AKAP7: variants seen among roughly 807,000 people sequenced by gnomAD.
AKAP7 encodes A kinase (PRKA) anchor protein 7.
A neutral mutation model predicts 39.5 loss-of-function variants in AKAP7; 39 were observed. That is an observed-to-expected ratio of 0.99 (90% CI 0.76 to 1.29). The LOEUF (loss-of-function observed/expected upper bound fraction) is 1.29. AKAP7 is among the 50% of genes most tolerant of loss of function. AKAP7 has a pLI of 0.00. For missense variants in AKAP7, 414 were observed against 407.7 expected, an observed-to-expected ratio of 1.02 and a Z score of -0.13; for synonymous variants, 140 against 139.1, an observed-to-expected ratio of 1.01 and a Z score of -0.05.
intron 1 of AKAP7, among the ~76,000 whole-genome samples, 166 bp downstream of exon 1, chr6:131,135,948 C>A (rs1009800279): frequency 7.9e-5 from 12 of 152,154 alleles, no homozygotes; most frequent in Non-Finnish European, 1.6e-4. Flanking sequence ...CCCGGTGCAA[C>A]CGGGGTGTAC....
At chr6:131,157,815 G>A (rs1802559951) in intron 2 of AKAP7, among the ~76,000 whole-genome samples, 1 of 152,134 alleles carries the variant, frequency 6.6e-6, no homozygotes, top group Admixed American at 6.5e-5. Context: ...GCTATCATTA[G>A]CCACATTAAT....
chr6:131,216,704 C>T (rs760516133), intron 6 of AKAP7, among the ~76,000 whole-genome samples: 8 of 152,110 alleles, frequency 5.3e-5, no homozygotes, highest in Non-Finnish European at 8.8e-5. Flanking sequence ...GTTTCAAAGT[C>T]TGATATTCCA....
intron 7 of AKAP7, among the ~76,000 whole-genome samples, chr6:131,241,573 A>G (rs1290167254): frequency 3.5e-4 from 25 of 71,318 alleles, no homozygotes; most frequent in African/African-American, 1.4e-3. Flanking sequence ...CATAGATTAT[A>G]TATATGTGTG....
intron 7 of AKAP7, among the ~76,000 whole-genome samples, chr6:131,264,378 A>G (rs1813606718): frequency 6.6e-6 from 1 of 152,228 alleles, no homozygotes; most frequent in Non-Finnish European, 1.5e-5. Context: ...TGCAAGCATA[A>G]CTAGGAGTAG....
intron 7 of AKAP7, among the ~76,000 whole-genome samples, chr6:131,225,283 G>A (rs1039433929): frequency 6.6e-6 from 1 of 152,102 alleles, no homozygotes; most frequent in Non-Finnish European, 1.5e-5. Context: ...TATTGTGCAT[G>A]TTTTCCCCTC....
In AKAP7 at chr6:131,281,694, A is replaced by C; in HGVS notation, c.1015A>C (p.Asn339His). The C allele has an allele frequency of 6.2e-7, 1 of 1,611,770 alleles. No homozygotes were observed. The highest frequency in any genetic ancestry group is 8.5e-7 in the Non-Finnish European group (1 of 1,179,014). The change falls in exon 8 of 8, where the codon AAT (asparagine) becomes CAT (histidine). Residue 339 changes from asparagine (N) to histidine (H), a missense_variant. Asn to His is a moderately conservative substitution (Grantham distance 68). Transcript: ENST00000431975. This position sits in a 1 kb window ranked among gnomAD's most constrained non-coding sequence, Gnocchi z 4.0. ...TGTGAAAACCGAAGCAGCTGATCAGAATGGCAATGACAATGAGAACAACAG... is the reference window on the plus strand; with the variant it reads ...TGTGAAAACCGAAGCAGCTGATCAGCATGGCAATGACAATGAGAACAACAG... ...SSVKTEAADQNGNDNENNRK is the reference protein window; with the variant it reads ...SSVKTEAADQHGNDNENNRK
chr6:131,243,649 G>A (rs1037740028), intron 7 of AKAP7, among the ~76,000 whole-genome samples: 1 of 152,162 alleles, frequency 6.6e-6, no homozygotes, highest in Admixed American at 6.5e-5. Flanking sequence ...ACCAGGAAAT[G>A]TGACTGACTG....
intron 7 of AKAP7, among the ~76,000 whole-genome samples, chr6:131,246,094 A>AATATATATAT (rs57449798): frequency 2.8e-5 from 4 of 143,942 alleles, no homozygotes; most frequent in African/African-American, 1.0e-4. Flanking sequence ...CAGAAGTCCA[A>AATATATATAT]ATATATATAT....
At chr6:131,265,361 C>G (rs1053274730) in intron 7 of AKAP7, among the ~76,000 whole-genome samples, 1 of 152,238 alleles carries the variant, frequency 6.6e-6, no homozygotes, top group African/African-American at 2.4e-5. Flanking sequence ...TCTCAAGCTC[C>G]TGACCTCAAG....
intron 3 of AKAP7, among the ~76,000 whole-genome samples, chr6:131,163,343 T>G (rs1159925149): frequency 6.6e-6 from 1 of 152,242 alleles, no homozygotes. Context: ...CATTTTTGTT[T>G]GTTTGTTTTA....
At position 131,209,989 on chromosome 6, in the gene AKAP7, G is replaced by A. The variant is rs1055554001; in HGVS notation, c.703-9672G>A. On this transcript the variant is annotated intron_variant, in intron 6 of 7. Coordinates refer to ENST00000431975, the MANE Select transcript of AKAP7 (RefSeq NM_016377.4). The stretch of plus-strand genomic sequence containing the variant: ...CAAATGGTCACATAAAAGCAAACCA[G>A]CTGGAATTATTTGGATGGCAAGAAG... Among the ~76,000 whole-genome samples, 3 of 152,198 alleles carry A rather than the reference G, an allele frequency of 2.0e-5. No individual in the cohort carries two copies. The South Asian group carries it at 6.2e-4, about 31-fold the overall frequency.
At chr6:131,144,235 A>G (rs1235543132) in intron 1 of AKAP7, among the ~76,000 whole-genome samples, 4 of 150,018 alleles carry the variant, frequency 2.7e-5, no homozygotes, top group Admixed American at 6.7e-5. Context: ...ATTCCACAAA[A>G]CCGCCATTGT....
chr6:131,255,245 G>T (rs898161765), intron 7 of AKAP7, among the ~76,000 whole-genome samples: 2 of 152,134 alleles, frequency 1.3e-5, no homozygotes, highest in African/African-American at 4.8e-5. Context: ...CCCTAACATA[G>T]CGTGTTACCC....
rs754751702 is a variant in AKAP7 at position 131,219,721 on chromosome 6, G to T, written c.763G>T (p.Glu255Ter). Reference protein sequence around the residue: ...EKFISHRFGEEILYRIDLCSM... With the variant: ...EKFISHRFGE ...GTTTATCAGTCACAGATTTGGAGAA[G>T]AAATATTATATCGCATAGATCTTTG... The change falls in exon 7 of 8, where the codon GAA becomes TAA. Residue 255 changes from glutamate to a stop codon, truncating the protein, a stop_gained. Transcript: ENST00000431975. LOFTEE classifies it high-confidence loss of function. 1 of 1,597,846 alleles carries T rather than the reference G, an allele frequency of 6.3e-7. No homozygotes were observed. Among genetic ancestry groups the T allele is most frequent in the South Asian group, 1.1e-5 (1 of 88,714 alleles).
intron 6 of AKAP7, among the ~76,000 whole-genome samples, chr6:131,216,845 C>T (rs1007536128): frequency 6.6e-6 from 1 of 152,074 alleles, no homozygotes; most frequent in Non-Finnish European, 1.5e-5. Flanking sequence ...CAAAAATAAC[C>T]TTCTAAGGAC....
intron 7 of AKAP7, among the ~76,000 whole-genome samples, chr6:131,273,707 T>A (rs1418914155): frequency 6.6e-6 from 1 of 152,154 alleles, no homozygotes; most frequent in Non-Finnish European, 1.5e-5. Flanking sequence ...ATGAGAAAAG[T>A]CTTATTTTTA....
At chr6:131,158,890 A>G (rs1802667109) in intron 2 of AKAP7, among the ~76,000 whole-genome samples, 1 of 149,800 alleles carries the variant, frequency 6.7e-6, no homozygotes, top group Non-Finnish European at 1.5e-5. Flanking sequence ...TTTTGCGTGC[A>G]TATGGAAGCC....
At chr6:131,255,647 GGACA>G (rs1430258234) in intron 7 of AKAP7, among the ~76,000 whole-genome samples, 1 of 152,192 alleles carries the variant, frequency 6.6e-6, no homozygotes, top group Non-Finnish European at 1.5e-5. Flanking sequence ...AGGCCTGGGA[GGACA>G]GAGAGCTGGA....
At chr6:131,248,198 T>G (rs530824548) in intron 7 of AKAP7, among the ~76,000 whole-genome samples, 1 of 152,316 alleles carries the variant, frequency 6.6e-6, no homozygotes, top group East Asian at 1.9e-4. Flanking sequence ...ATCTGTTCTC[T>G]TCTTCCCCTC....
Sources: allele counts gnomAD v4.1 joint callset (sites outside exome capture counted in the v4.1 genomes callset), GRCh38; gene constraint gnomAD v4.1.1; non-coding constraint Gnocchi (gnomAD v3.1); transcripts MANE v1.5; gene names NCBI Gene and HGNC (gene_info 2026-07-23, HGNC 2026-07-21).